ARL15: variants seen among roughly 807,000 people sequenced by gnomAD.
ARL15 encodes the protein ADP-ribosylation factor-like protein 15.
A neutral mutation model predicts 25.2 loss-of-function variants in ARL15; 19 were observed. That is an observed-to-expected ratio of 0.75 (90% CI 0.53 to 1.10). The LOEUF is 1.10. ARL15 is among the 50% of genes least tolerant of loss of function. The pLI is 0.00. For missense variants in ARL15, 220 were observed against 246.0 expected (o/e 0.89, Z 0.71); for synonymous variants, 94 against 86.8 (o/e 1.08, Z -0.46).
At chr5:54,213,193 A>G (rs1220290986) in intron 1 of ARL15, among the ~76,000 whole-genome samples, 2 of 152,172 alleles carry the variant, frequency 1.3e-5, no homozygotes, top group Non-Finnish European at 2.9e-5. Flanking sequence ...ATTCCATTCA[A>G]CCCTTCCAAT....
intron 1 of ARL15, among the ~76,000 whole-genome samples, chr5:54,199,850 T>C (rs1279815162): frequency 1.9e-5 from 1 of 52,240 alleles, no homozygotes; most frequent in African/African-American, 7.7e-5. Flanking sequence ...CACACATATG[T>C]TTATGGCAGC....
rs1447551489 is a variant in ARL15, at chr5:53,901,088, T to C, written c.463-14375A>G. On this transcript the variant is annotated intron_variant, in intron 4 of 4. Coordinates refer to ENST00000504924, the MANE Select transcript of ARL15 (RefSeq NM_019087.3). ...GCAAGCAACAGACTTCTCAATACCA[T>C]ACATAACATAGTCGTTAATTACAGA... Among the ~76,000 whole-genome samples, 5 of 152,292 alleles carry C rather than the reference T, an allele frequency of 3.3e-5. No homozygotes were observed. The East Asian group carries it at 9.7e-4, about 29-fold the overall frequency.
chr5:53,952,338 T>G (rs1200143671), intron 4 of ARL15, among the ~76,000 whole-genome samples: 1 of 152,204 alleles, frequency 6.6e-6, no homozygotes, highest in Non-Finnish European at 1.5e-5. Flanking sequence ...CTGTTTTTTA[T>G]GTTTAAACTT....
chr5:54,310,544 G>A lies in ARL15; in HGVS notation c.-65C>T, dbSNP rs957459922. The stretch of plus-strand genomic sequence containing the variant: ...AAAAAAAAGCAGCGTCTCTGGCTGC[G>A]AGCGAGCAGCTCCTGAAAAAGCCAG... On this transcript the variant is annotated 5_prime_UTR_variant, in exon 1 of 5. Coordinates refer to ENST00000504924, the MANE Select transcript of ARL15 (RefSeq NM_019087.3). The A allele has an allele frequency of 1.3e-6, 2 of 1,524,532 alleles. No homozygotes were observed. The highest frequency in any genetic ancestry group is 2.4e-5 in the East Asian group (1 of 41,194). The allele number at this position is 1,524,532 out of a possible 1,614,324, so 94.4% of individuals were successfully genotyped here. A position where few individuals can be genotyped will look rare whatever the true frequency, so the allele number is the denominator to read the frequency against.
At chr5:54,029,732 G>A (rs1009940916) in intron 4 of ARL15, among the ~76,000 whole-genome samples, 3 of 152,104 alleles carry the variant, frequency 2.0e-5, no homozygotes, top group African/African-American at 4.8e-5. Context: ...GGTGGCTCAC[G>A]CCTGTAATCT....
intron 1 of ARL15, among the ~76,000 whole-genome samples, chr5:54,307,588 C>T (rs917365075): frequency 3.9e-5 from 6 of 152,152 alleles, no homozygotes; most frequent in South Asian, 2.1e-4. Flanking sequence ...AAATCAACAG[C>T]GACCCGAAGA....
At chr5:53,933,863 T>G (rs1204999132) in intron 4 of ARL15, among the ~76,000 whole-genome samples, 1 of 152,114 alleles carries the variant, frequency 6.6e-6, no homozygotes, top group Non-Finnish European at 1.5e-5. Flanking sequence ...CTGGCTTAAA[T>G]AGCAATGACC....
chr5:54,235,736 T>C (rs1057068359), intron 1 of ARL15, among the ~76,000 whole-genome samples: 1 of 152,222 alleles, frequency 6.6e-6, no homozygotes, highest in Non-Finnish European at 1.5e-5. Context: ...CTTCCCAAAG[T>C]GCTGGGATTA....
At chr5:54,168,832 C>T (rs1339648742) in intron 2 of ARL15, among the ~76,000 whole-genome samples, 2 of 152,164 alleles carry the variant, frequency 1.3e-5, no homozygotes, top group Non-Finnish European at 2.9e-5. Context: ...TTCATATTTA[C>T]ACCATTAATA....
chr5:54,255,204 G>A (rs3797233), intron 1 of ARL15, among the ~76,000 whole-genome samples: 15,850 of 147,054 alleles, frequency 0.11, 1,148 homozygotes, highest in East Asian at 0.41. Flanking sequence ...TCTACTCCAC[G>A]TCATTTTTTT....
intron 1 of ARL15, chr5:54,282,281 C>A (rs888251497): frequency 2.0e-6 from 2 of 985,256 alleles, no homozygotes; most frequent in Non-Finnish European, 2.4e-6. Context: ...CGTGTAAATC[C>A]CAATTCTACA....
At chr5:54,037,241 TAA>T (rs1485800904) in intron 4 of ARL15, among the ~76,000 whole-genome samples, 1 of 152,044 alleles carries the variant, frequency 6.6e-6, no homozygotes, top group Non-Finnish European at 1.5e-5. Context: ...GTATATTTCT[TAA>T]AGACTTAAAA....
At chr5:54,274,535 G>C (rs931217018) in intron 1 of ARL15, among the ~76,000 whole-genome samples, 3 of 152,170 alleles carry the variant, frequency 2.0e-5, no homozygotes. Context: ...TCCCCTGCCA[G>C]AAAGGTGGTA....
At chr5:53,918,332 T>A (rs1412014227) in intron 4 of ARL15, among the ~76,000 whole-genome samples, 2 of 152,012 alleles carry the variant, frequency 1.3e-5, no homozygotes, top group African/African-American at 4.8e-5. Context: ...ACAACAAATG[T>A]GTACTACCAT....
chr5:54,298,872 C>T (rs7704507), intron 1 of ARL15, among the ~76,000 whole-genome samples: 116,172 of 151,470 alleles, frequency 0.77, 45,497 homozygotes, highest in Non-Finnish European at 0.82. Flanking sequence ...ACTCCTCTTT[C>T]TGGTTGCTGT....
At chr5:54,083,294 G>A (rs1039742201) in intron 4 of ARL15, among the ~76,000 whole-genome samples, 20 of 152,168 alleles carry the variant, frequency 1.3e-4, no homozygotes, top group African/African-American at 4.6e-4. Flanking sequence ...TACCACTGTG[G>A]CTATTTAAAC....
intron 4 of ARL15, among the ~76,000 whole-genome samples, chr5:53,980,421 C>T (rs936925115): frequency 6.6e-6 from 1 of 152,162 alleles, no homozygotes; most frequent in African/African-American, 2.4e-5. Flanking sequence ...AAAATTTACA[C>T]AGAGGTCTGA....
intron 4 of ARL15, among the ~76,000 whole-genome samples, chr5:53,959,654 A>T (rs1157792952): frequency 6.6e-6 from 1 of 152,026 alleles, no homozygotes; most frequent in Non-Finnish European, 1.5e-5. Flanking sequence ...CTTGGGACCT[A>T]TGGACTTATT....
chr5:54,150,782 A>G (rs577932282), intron 3 of ARL15, among the ~76,000 whole-genome samples: 1 of 151,854 alleles, frequency 6.6e-6, no homozygotes, highest in African/African-American at 2.4e-5. Flanking sequence ...TGGGCAACGG[A>G]GCAAGACTCT....
Sources: gnomAD v4.1 joint callset for allele counts (sites outside exome capture counted in the v4.1 genomes callset) on GRCh38, gnomAD v4.1.1 for gene constraint, MANE v1.5 for transcripts, NCBI Gene and HGNC (gene_info 2026-07-23, HGNC 2026-07-21) for gene names.